The following PCNT variants were observed in gnomAD, a reference collection of about 807,000 sequenced individuals.
PCNT encodes the protein pericentrin, also known as kendrin.
A neutral mutation model predicts 380.4 loss-of-function variants in PCNT; 319 were observed. The observed-to-expected ratio is 0.84, with a 90% CI of 0.77 to 0.92. The LOEUF (loss-of-function observed/expected upper bound fraction) is 0.92. PCNT is among the 40% of genes least tolerant of loss of function. The probability of loss-of-function intolerance (pLI) is 0.00; values close to 1 mark genes in which losing one functional copy is unlikely to be tolerated. For missense variants in PCNT, 4,400 were observed against 4,255.3 expected (o/e 1.03, Z -0.95); for synonymous variants, 1,845 against 1,735.2 (o/e 1.06, Z -1.57).
intron 21 of PCNT, among the ~76,000 whole-genome samples, chr21:46,395,799 G>C (rs995314157): frequency 4.7e-5 from 7 of 150,510 alleles, no homozygotes; most frequent in South Asian, 4.2e-4. Context: ...CGGCAGCAGA[G>C]ACTCCATCTC....
intron 3 of PCNT, among the ~76,000 whole-genome samples, chr21:46,340,863 G>A (rs954782285): frequency 1.2e-4 from 18 of 152,018 alleles, no homozygotes; most frequent in African/African-American, 3.6e-4. Flanking sequence ...TAGTAGAGAC[G>A]GGGTTTTGCC....
At chr21:46,356,919 C>A (rs1293540407) in intron 12 of PCNT, 55 bp from the exon 13 acceptor site, 2 of 1,488,928 alleles carry the variant, frequency 1.3e-6, no homozygotes, top group Non-Finnish European at 1.9e-6. Context: ...GGACTGTGGG[C>A]TCCATCGAGG....
At chr21:46,373,482 A>G (rs1601876866) in intron 15 of PCNT, among the ~76,000 whole-genome samples, 1 of 130,168 alleles carries the variant, frequency 7.7e-6, no homozygotes, top group South Asian at 2.4e-4. Flanking sequence ...TCCAGGCTGG[A>G]GTGCAGTGGC....
chr21:46,439,847 ATACT>A (rs1374275338), intron 41 of PCNT, among the ~76,000 whole-genome samples: 1 of 152,156 alleles, frequency 6.6e-6, no homozygotes. Context: ...TTTTGCAATC[ATACT>A]TCAGCAAGTG....
At chr21:46,420,162 C>T (rs958558393) in intron 31 of PCNT, among the ~76,000 whole-genome samples, 3 of 152,242 alleles carry the variant, frequency 2.0e-5, no homozygotes, top group Non-Finnish European at 2.9e-5. Context: ...CAGTGACACG[C>T]GACCTTGGAG....
At chr21:46,400,621 C>G (rs184211180) in intron 25 of PCNT, among the ~76,000 whole-genome samples, 1 of 144,652 alleles carries the variant, frequency 6.9e-6, no homozygotes, top group Admixed American at 7.2e-5. Context: ...CGGGTTCAAG[C>G]GATCTCTCCT....
chr21:46,325,345 A>T, intron 1 of PCNT: 1 of 341,590 alleles, frequency 2.9e-6, no homozygotes, highest in Non-Finnish European at 4.1e-6. Context: ...GGGAGCCCGG[A>T]GCCTGCAGGG....
intron 15 of PCNT, among the ~76,000 whole-genome samples, chr21:46,379,469 A>G (rs1382056274): frequency 1.3e-5 from 2 of 152,092 alleles, no homozygotes; most frequent in Non-Finnish European, 2.9e-5. Context: ...GAGTTCATTG[A>G]GCTTGTATGT....
At chr21:46,444,450 G>A (rs953602166) in intron 45 of PCNT, among the ~76,000 whole-genome samples, 7 of 152,088 alleles carry the variant, frequency 4.6e-5, no homozygotes, top group African/African-American at 1.7e-4. Flanking sequence ...ATACATCGTC[G>A]AAGATGTAGC....
Position 46,349,049 on chromosome 21 carries a change from G to C in PCNT, c.1070G>C (p.Cys357Ser). ...GATTGGGAATCTGAAAAAGATTTAT[G>C]TTTAGAAAATCTACGCAAAGAACTG... ...KEDWESEKDL[C>S]LENLRKELSA... Residue 357 changes from cysteine to serine, a missense_variant, in exon 7 of 47, where the codon TGT becomes TCT. Physicochemically the swap from Cys to Ser is moderately radical, Grantham distance 112 (BLOSUM62 -1). Transcript: ENST00000359568. 1 of 1,605,886 alleles carries C rather than the reference G, an allele frequency of 6.2e-7. No individual in the cohort carries two copies. The highest frequency in any genetic ancestry group is 1.1e-5 in the South Asian group (1 of 90,826).
At chr21:46,432,417 A>C (rs988544458) in intron 38 of PCNT, among the ~76,000 whole-genome samples, 1 of 152,188 alleles carries the variant, frequency 6.6e-6, no homozygotes, top group Non-Finnish European at 1.5e-5. Flanking sequence ...GAGTTCTCCA[A>C]CTTCGTTCTT....
chr21:46,388,903 G>A lies in PCNT; in HGVS notation c.3607+19G>A, dbSNP rs375765159. ...TCGACAGGTGAGTGTGCCGGGACCAGCTGCCCAGCCCTGTGCTTGCAGCCC... is the reference window on the plus strand; with the variant it reads ...TCGACAGGTGAGTGTGCCGGGACCAACTGCCCAGCCCTGTGCTTGCAGCCC... On this transcript the variant is annotated intron_variant, in intron 18 of 46. Transcript: ENST00000359568. This position sits in a 1 kb window ranked among gnomAD's most constrained non-coding sequence, Gnocchi z 4.2. 1.9e-6 allele frequency: 3 copies of A among 1,582,306 alleles called. No homozygotes were observed. Among genetic ancestry groups the A allele is most frequent in the East Asian group, 4.5e-5 (2 of 44,072 alleles).
At chr21:46,343,001 T>C (rs2083953055) in intron 3 of PCNT, among the ~76,000 whole-genome samples, 1 of 152,136 alleles carries the variant, frequency 6.6e-6, no homozygotes, top group South Asian at 2.1e-4. Flanking sequence ...TGCTACTGAT[T>C]TGTGTATGTT....
At chr21:46,343,165 T>C (rs990930216) in intron 3 of PCNT, among the ~76,000 whole-genome samples, 1 of 152,158 alleles carries the variant, frequency 6.6e-6, no homozygotes, top group Non-Finnish European at 1.5e-5. Flanking sequence ...TTTCTTCTCT[T>C]GTCTGATTGC....
intron 7 of PCNT, among the ~76,000 whole-genome samples, 153 bp from the exon 8 acceptor site, chr21:46,349,531 C>G (rs977174819): frequency 6.6e-6 from 1 of 152,186 alleles, no homozygotes; most frequent in East Asian, 1.9e-4. Flanking sequence ...TCCCCTGGTG[C>G]TATCAGGCAT....
Position 46,324,866 on chromosome 21 carries a change from C to G in PCNT, c.54+584C>G, listed in dbSNP as rs1007356984. 1.1e-5 allele frequency: 11 copies of G among 985,268 alleles called. No homozygotes were observed. In the South Asian group the frequency reaches 3.8e-4, roughly 34 times the overall value. The allele number at this position is 985,268 out of a possible 1,614,324, so 61.0% of individuals were successfully genotyped here. On this transcript the variant is annotated intron_variant, in intron 1 of 46. Coordinates refer to ENST00000359568, the MANE Select transcript of PCNT (RefSeq NM_006031.6). ...GCCTTCGCCTCGTCCGTCGGAGATG[C>G]TTTCCCCGCGCGTTTCTCGCGGCGT...
At chr21:46,334,285 T>C (rs2083658188) in intron 2 of PCNT, 112 bp from the exon 3 acceptor site, 1 of 1,429,372 alleles carries the variant, frequency 7.0e-7, no homozygotes, top group Non-Finnish European at 9.9e-7. Flanking sequence ...AAGTGAGCTC[T>C]ACTTGTTAAA....
At chr21:46,360,172 C>G (rs1161092291) in intron 13 of PCNT, among the ~76,000 whole-genome samples, 1 of 142,572 alleles carries the variant, frequency 7.0e-6, no homozygotes, top group Non-Finnish European at 1.5e-5. Context: ...TTAATCTATT[C>G]AAAGTAAAGT....
At chr21:46,333,156 G>C (rs1418668512) in intron 2 of PCNT, among the ~76,000 whole-genome samples, 1 of 151,856 alleles carries the variant, frequency 6.6e-6, no homozygotes, top group Non-Finnish European at 1.5e-5. Flanking sequence ...ATTCATGGCC[G>C]GGCGCAGTGA....
Sources: allele counts gnomAD v4.1 joint callset (sites outside exome capture counted in the v4.1 genomes callset), GRCh38; gene constraint gnomAD v4.1.1; non-coding constraint Gnocchi (gnomAD v3.1); transcripts MANE v1.5; gene names NCBI Gene and HGNC (gene_info 2026-07-23, HGNC 2026-07-21).